GRIP1: variants seen among roughly 807,000 people sequenced by gnomAD.
GRIP1 encodes the protein glutamate receptor-interacting protein 1.
In GRIP1, 45 loss-of-function variants were observed where a neutral mutation model predicts 129.9. The ratio of observed to expected loss-of-function variants is 0.35; its 90% CI spans 0.27 to 0.44. The LOEUF (loss-of-function observed/expected upper bound fraction) is 0.44. Among genes scored for constraint, GRIP1 ranks in the 20% least tolerant of loss-of-function variants. The pLI is 1.00. For synonymous variants in GRIP1, 530 were observed against 520.8 expected, an observed-to-expected ratio of 1.02 and a Z score of -0.24; for missense variants, 1,196 against 1,396.8, an observed-to-expected ratio of 0.86 and a Z score of 2.29.
At chr12:66,693,234 G>C (rs2035040405) in intron 1 of GRIP1, among the ~76,000 whole-genome samples, 1 of 152,188 alleles carries the variant, frequency 6.6e-6, no homozygotes, top group East Asian at 1.9e-4. Flanking sequence ...TGACCTGTAA[G>C]TACGCTCGTT....
At chr12:66,955,890 A>T (rs1177712879) in intron 1 of GRIP1, among the ~76,000 whole-genome samples, 1 of 152,248 alleles carries the variant, frequency 6.6e-6, no homozygotes, top group African/African-American at 2.4e-5. Context: ...TGTTTTATTC[A>T]TTGAGTATTC....
At chr12:66,497,790 G>C (rs1018739202) in intron 7 of GRIP1, among the ~76,000 whole-genome samples, 16 of 152,126 alleles carry the variant, frequency 1.1e-4, no homozygotes, top group African/African-American at 3.9e-4. Context: ...AGGCCTCTGA[G>C]CCCAAGCCAA....
At chr12:67,064,232 C>T (rs1013089144) in intron 1 of GRIP1, among the ~76,000 whole-genome samples, 4 of 152,170 alleles carry the variant, frequency 2.6e-5, no homozygotes, top group Admixed American at 6.5e-5. Flanking sequence ...CATAACTAAG[C>T]AAACTCTCTA....
At chr12:66,558,512 A>G (rs536024580) in intron 2 of GRIP1, among the ~76,000 whole-genome samples, 31 of 152,276 alleles carry the variant, frequency 2.0e-4, no homozygotes, top group African/African-American at 6.5e-4. Context: ...AAAACAGCCA[A>G]ATCATATGAG....
At chr12:67,014,942 T>C (rs1260877792) in intron 1 of GRIP1, among the ~76,000 whole-genome samples, 3 of 152,194 alleles carry the variant, frequency 2.0e-5, no homozygotes, top group Non-Finnish European at 2.9e-5. Context: ...TCTAGAAAGA[T>C]TTCCTTCCAG....
chr12:66,897,529 C>T (rs566580352), intron 1 of GRIP1, among the ~76,000 whole-genome samples: 1 of 152,254 alleles, frequency 6.6e-6, no homozygotes, highest in South Asian at 2.1e-4. Flanking sequence ...GGCAATCAGC[C>T]GCTTCAGAAC....
intron 1 of GRIP1, among the ~76,000 whole-genome samples, chr12:66,794,819 A>T (rs1346182496): frequency 6.6e-6 from 1 of 152,194 alleles, no homozygotes; most frequent in Non-Finnish European, 1.5e-5. Flanking sequence ...TGGAATTTTT[A>T]AGAATAAAAG....
chr12:66,689,724 C>G (rs192585020), intron 1 of GRIP1, among the ~76,000 whole-genome samples: 138 of 152,026 alleles, frequency 9.1e-4, no homozygotes, highest in African/African-American at 3.3e-3. Context: ...GTAAACAATA[C>G]AGTATTATTA....
intron 1 of GRIP1, among the ~76,000 whole-genome samples, chr12:66,715,126 C>T (rs2035836201): frequency 6.6e-6 from 1 of 152,066 alleles, no homozygotes; most frequent in African/African-American, 2.4e-5. Context: ...ATCCTTCTAA[C>T]TTCTCAGCTG....
intron 20 of GRIP1, among the ~76,000 whole-genome samples, chr12:66,377,638 CTTTTTTTT>C (rs3045282): frequency 8.0e-6 from 1 of 124,612 alleles, no homozygotes; most frequent in Non-Finnish European, 1.7e-5. Context: ...CGCACCCGGC[CTTTTTTTT>C]TTTTTTTTTT....
At chr12:66,546,819 A>C (rs1197617921) in intron 2 of GRIP1, among the ~76,000 whole-genome samples, 2 of 152,134 alleles carry the variant, frequency 1.3e-5, no homozygotes, top group East Asian at 1.9e-4. Flanking sequence ...CTGTAGGAAA[A>C]CAGGATAAAA....
At chr12:66,865,067 A>C (rs531404139) in intron 1 of GRIP1, among the ~76,000 whole-genome samples, 86 of 152,296 alleles carry the variant, frequency 5.6e-4, no homozygotes, top group African/African-American at 2.0e-3. Flanking sequence ...CTGCTGTGTT[A>C]AATGAGTAAG....
chr12:66,829,677 ATT>A (rs1049250205), intron 1 of GRIP1, among the ~76,000 whole-genome samples: 25 of 152,172 alleles, frequency 1.6e-4, no homozygotes, highest in African/African-American at 5.8e-4. Context: ...GTAGATTCCC[ATT>A]TGTGTGGCAT....
chr12:66,786,718 G>T (rs2038357315), intron 1 of GRIP1, among the ~76,000 whole-genome samples: 1 of 152,130 alleles, frequency 6.6e-6, no homozygotes, highest in Admixed American at 6.5e-5. Flanking sequence ...TGACTCCCAA[G>T]GGTCCTCACA....
intron 4 of GRIP1, 74 bp downstream of exon 4, chr12:66,539,004 T>A (rs750313178): frequency 1.6e-5 from 20 of 1,226,292 alleles, no homozygotes; most frequent in Admixed American, 8.4e-5. Flanking sequence ...GGTTTGGTAT[T>A]ATGAGCAGTT....
At position 66,528,412 on chromosome 12, in the gene GRIP1, C is replaced by T. The variant is rs1475305618; in HGVS notation, c.502+1419G>A. ...TCGGCCTCCCAAAGTGCTGGGATTACAGGCGTGAGTCACTGTGCCCGGCCT... is the reference window on the plus strand; with the variant it reads ...TCGGCCTCCCAAAGTGCTGGGATTATAGGCGTGAGTCACTGTGCCCGGCCT... On this transcript the variant is annotated intron_variant, in intron 5 of 24. Transcript: ENST00000359742. 2.6e-5 allele frequency among the ~76,000 whole-genome samples: 4 copies of T among 152,112 alleles called. No homozygotes were observed. The East Asian group carries it at 7.7e-4, about 29-fold the overall frequency.
chr12:66,981,020 G>C (rs1383859609), intron 1 of GRIP1, among the ~76,000 whole-genome samples: 1 of 152,200 alleles, frequency 6.6e-6, no homozygotes, highest in Non-Finnish European at 1.5e-5. Context: ...CTAGGGCAGA[G>C]AGGTTAAGTA....
chr12:67,011,349 G>T (rs1002237797), intron 1 of GRIP1, among the ~76,000 whole-genome samples: 2 of 152,054 alleles, frequency 1.3e-5, no homozygotes, highest in Non-Finnish European at 2.9e-5. Flanking sequence ...CTACATAATT[G>T]ATATAAAATG....
chr12:66,497,227 C>G (rs1425917364), intron 7 of GRIP1, among the ~76,000 whole-genome samples: 1 of 152,132 alleles, frequency 6.6e-6, no homozygotes, highest in Non-Finnish European at 1.5e-5. Context: ...CAACAAATTA[C>G]CATTATAATT....
Sources: allele counts gnomAD v4.1 joint callset (sites outside exome capture counted in the v4.1 genomes callset), GRCh38; gene constraint gnomAD v4.1.1; transcripts MANE v1.5; gene names NCBI Gene and HGNC (gene_info 2026-07-23, HGNC 2026-07-21).